The following IHO1 variants were observed in gnomAD, a reference collection of about 807,000 sequenced individuals.
IHO1 encodes interactor of HORMAD1 protein 1.
IHO1 carries 13 observed loss-of-function variants against 31.0 expected under a neutral mutation model. The observed-to-expected ratio is 0.42, with a 90% CI of 0.27 to 0.67. IHO1 has a LOEUF of 0.67. Ranked by LOEUF, IHO1 falls within the 30% of genes least tolerant of loss-of-function variation. The pLI, the probability that IHO1 is intolerant of heterozygous loss-of-function variation, is 0.24. For synonymous variants in IHO1, 221 were observed against 248.4 expected, an observed-to-expected ratio of 0.89 and a Z score of 1.04; for missense variants, 599 against 687.5, an observed-to-expected ratio of 0.87 and a Z score of 1.44.
intron 6 of IHO1, among the ~76,000 whole-genome samples, chr3:49,247,753 C>G (rs1009969260): frequency 6.6e-6 from 1 of 151,800 alleles, no homozygotes; most frequent in Non-Finnish European, 1.5e-5. Flanking sequence ...GGTGCCACTG[C>G]ACTCCAGCCT....
intron 1 of IHO1, 32 bp from the exon 2 acceptor site, chr3:49,211,734 C>CT: frequency 1.9e-6 from 2 of 1,067,358 alleles, no homozygotes; most frequent in Non-Finnish European, 2.9e-6. Context: ...ATACTGTTAA[C>CT]TTTCTTAATA....
At chr3:49,247,286 G>A (rs911773907) in intron 6 of IHO1, among the ~76,000 whole-genome samples, 3 of 151,918 alleles carry the variant, frequency 2.0e-5, no homozygotes, top group African/African-American at 7.3e-5. Flanking sequence ...CTGGAGTGCA[G>A]TAGCACGATC....
chr3:49,243,059 C>T (rs564734710), intron 4 of IHO1, among the ~76,000 whole-genome samples: 4 of 152,146 alleles, frequency 2.6e-5, no homozygotes, highest in South Asian at 4.1e-4. Context: ...CTCCACCCTT[C>T]ACCTCAACTA....
chr3:49,257,278 T>C lies in IHO1; in HGVS notation c.1781T>C (p.Phe594Ser). 1.4e-5 allele frequency: 22 copies of C among 1,613,186 alleles called. No individual in the cohort carries two copies. Among genetic ancestry groups the C allele is most frequent in the Non-Finnish European group, 1.9e-5 (22 of 1,179,450 alleles). The change falls in exon 8 of 8, where the codon TTC (phenylalanine) becomes TCC (serine). Residue 594 changes from phenylalanine to serine, a missense_variant. Transcript: ENST00000452691. Reference sequence around the variant, plus strand: ...TTTGATAGCAGTGATGATGATGGCTTCTGACCAGTCCACAGTTGATTTATT... The same window carrying C: ...TTTGATAGCAGTGATGATGATGGCTCCTGACCAGTCCACAGTTGATTTATT... ...LGFDSSDDDG[F>S]
chr3:49,219,632 A>G (rs552294914), intron 2 of IHO1, among the ~76,000 whole-genome samples: 8 of 152,194 alleles, frequency 5.3e-5, no homozygotes, highest in Non-Finnish European at 1.2e-4. Context: ...GGTCTCCACA[A>G]CCGAGCTGGT....
At chr3:49,194,214 G>A (rs919426695), upstream of IHO1, among the ~76,000 whole-genome samples, 1 of 148,078 alleles carries the variant, frequency 6.8e-6, no homozygotes, top group African/African-American at 2.5e-5. Flanking sequence ...GTTGCAGTGA[G>A]TCGAGATCGT....
intron 1 of IHO1, among the ~76,000 whole-genome samples, chr3:49,202,323 A>T (rs904059059): frequency 1.3e-4 from 17 of 132,494 alleles, no homozygotes; most frequent in Non-Finnish European, 1.8e-4. Context: ...CTTCTTTTTA[A>T]TTTTTTTTTT....
intron 2 of IHO1, among the ~76,000 whole-genome samples, chr3:49,228,851 C>T (rs909684079): frequency 5.9e-5 from 9 of 152,172 alleles, no homozygotes; most frequent in African/African-American, 2.2e-4. Context: ...GGAAGGAGAC[C>T]TGAGCGGGTT....
intron 1 of IHO1, chr3:49,200,490 A>AGAAAGAAG (rs2046049180): frequency 1.5e-6 from 1 of 687,218 alleles, no homozygotes; most frequent in Non-Finnish European, 1.8e-6. Context: ...AAAGAAAGAA[A>AGAAAGAAG]GAAAGAAAGA....
At chr3:49,207,552 C>T (rs148563701) in intron 1 of IHO1, among the ~76,000 whole-genome samples, 1 of 151,974 alleles carries the variant, frequency 6.6e-6, no homozygotes, top group East Asian at 2.0e-4. Context: ...GTCCTTGTAA[C>T]TCATGCTGCA....
At chr3:49,202,496 TG>T (rs1297756340) in intron 1 of IHO1, among the ~76,000 whole-genome samples, 6 of 2,390 alleles carry the variant, frequency 2.5e-3, no homozygotes, top group African/African-American at 0.012. Flanking sequence ...CGGCTAATTT[TG>T]TGTGTGTGTG....
intron 1 of IHO1, among the ~76,000 whole-genome samples, chr3:49,210,593 T>C (rs1427361338): frequency 2.0e-5 from 3 of 151,582 alleles, no homozygotes; most frequent in African/African-American, 7.3e-5. Flanking sequence ...GAGACAGGGT[T>C]TCTTCATGTT....
chr3:49,224,008 G>A (rs2046387208), intron 2 of IHO1, among the ~76,000 whole-genome samples: 1 of 152,186 alleles, frequency 6.6e-6, no homozygotes, highest in Admixed American at 6.5e-5. Context: ...CCTGTTGGAT[G>A]GCCCGGAAGA....
Position 49,257,015 on chromosome 3 carries a change from G to A in IHO1, c.1518G>A (p.Arg506=). 6.2e-7 allele frequency: 1 copy of A among 1,614,200 alleles called. No homozygotes were observed. Among genetic ancestry groups the A allele is most frequent in the Non-Finnish European group, 8.5e-7 (1 of 1,180,026 alleles). Residue 506 remains arginine, a synonymous_variant, in exon 8 of 8, where the codon AGG becomes AGA. Transcript: ENST00000452691. ...RAQPLHLQCP[R]SPRKPVCPIL... is the part of the protein sequence containing the mutation. The stretch of plus-strand genomic sequence containing the variant: ...AGCCTCTGCATCTGCAGTGTCCCAG[G>A]AGCCCCAGAAAACCAGTCTGCCCTA...
upstream of IHO1, among the ~76,000 whole-genome samples, chr3:49,197,788 C>T (rs570782741): frequency 1.1e-4 from 17 of 151,780 alleles, no homozygotes; most frequent in African/African-American, 4.1e-4. Context: ...GTAGGAGAAT[C>T]GCTTGAACCT....
chr3:49,224,190 G>A (rs2046389603), intron 2 of IHO1, among the ~76,000 whole-genome samples: 1 of 152,212 alleles, frequency 6.6e-6, no homozygotes, highest in Non-Finnish European at 1.5e-5. Flanking sequence ...CCCCATGAAA[G>A]TCCCCATTCT....
intron 2 of IHO1, among the ~76,000 whole-genome samples, chr3:49,235,767 T>G (rs985691184): frequency 6.7e-6 from 1 of 150,156 alleles, no homozygotes; most frequent in African/African-American, 2.5e-5. Context: ...CCATCTCTAT[T>G]AAAAATACAA....
At chr3:49,213,654 C>T (rs1000847572) in intron 2 of IHO1, among the ~76,000 whole-genome samples, 1 of 152,220 alleles carries the variant, frequency 6.6e-6, no homozygotes, top group African/African-American at 2.4e-5. Context: ...GCTGGAGGAC[C>T]CGGTGCACCC....
chr3:49,219,566 C>T (rs1030450158), intron 2 of IHO1, among the ~76,000 whole-genome samples: 4 of 152,196 alleles, frequency 2.6e-5, no homozygotes, highest in Non-Finnish European at 5.9e-5. Flanking sequence ...ATTTCCCTTT[C>T]CACACTCTAT....
Sources: allele counts gnomAD v4.1 joint callset (sites outside exome capture counted in the v4.1 genomes callset), GRCh38; gene constraint gnomAD v4.1.1; transcripts MANE v1.5; gene names NCBI Gene and HGNC (gene_info 2026-07-23, HGNC 2026-07-21).